The following ROR1 variants were observed in gnomAD, a reference collection of about 807,000 sequenced individuals.
ROR1 encodes inactive tyrosine-protein kinase transmembrane receptor ROR1.
Under a neutral mutation model 78.8 loss-of-function variants are expected in ROR1, and 19 were observed. The ratio of observed to expected loss-of-function variants is 0.24; its 90% CI spans 0.17 to 0.35. ROR1 has a LOEUF of 0.35. ROR1 is among the 10% of genes least tolerant of loss of function. ROR1 has a pLI of 1.00. For missense variants in ROR1, 917 were observed against 1,177.8 expected, an observed-to-expected ratio of 0.78 and a Z score of 3.24; for synonymous variants, 386 against 433.6, an observed-to-expected ratio of 0.89 and a Z score of 1.36.
intron 2 of ROR1, among the ~76,000 whole-genome samples, chr1:64,016,394 G>T (rs1489639324): frequency 6.6e-6 from 1 of 152,104 alleles, no homozygotes; most frequent in Non-Finnish European, 1.5e-5. Context: ...ATGTTGAAAT[G>T]ATATTTTCAT....
At chr1:63,963,599 A>G (rs1195938244) in intron 1 of ROR1, among the ~76,000 whole-genome samples, 2 of 151,436 alleles carry the variant, frequency 1.3e-5, no homozygotes, top group African/African-American at 4.9e-5. Flanking sequence ...AAAAAAAAAC[A>G]AAACAAAAAG....
At chr1:64,168,835 G>A (rs951140751) in intron 8 of ROR1, among the ~76,000 whole-genome samples, 3 of 152,346 alleles carry the variant, frequency 2.0e-5, no homozygotes, top group African/African-American at 7.2e-5. Context: ...CATGCAGAGA[G>A]AAGGGACCCA....
At chr1:63,866,102 G>A (rs1645213857) in intron 1 of ROR1, among the ~76,000 whole-genome samples, 1 of 152,078 alleles carries the variant, frequency 6.6e-6, no homozygotes, top group South Asian at 2.1e-4. Context: ...TTCAAGAACT[G>A]CCACATGTCA....
rs144755888 is a variant in ROR1, at chr1:63,898,735, A to C, written c.92-110570A>C. Among the ~76,000 whole-genome samples the C allele has an allele frequency of 6.1e-3, 922 of 152,204 alleles. 14 individuals are homozygous for C. The highest frequency in any genetic ancestry group is 0.021 in the African/African-American group (884 of 41,530). On this transcript the variant is annotated intron_variant, in intron 1 of 8. Transcript: ENST00000371079. The stretch of plus-strand genomic sequence containing the variant: ...GGGAAGAGAGAGAGAACGAGAACAC[A>C]GGAGGTTCCTGAGAGGTAAGTTGTG...
At chr1:64,061,949 A>G (rs12080788) in intron 4 of ROR1, among the ~76,000 whole-genome samples, 4,571 of 152,190 alleles carry the variant, frequency 0.03, 242 homozygotes, top group African/African-American at 0.1. Context: ...TTTATCTGTC[A>G]GGCGCTTCTA....
chr1:64,126,825 T>C (rs1365057365), intron 4 of ROR1, among the ~76,000 whole-genome samples: 1 of 152,140 alleles, frequency 6.6e-6, no homozygotes, highest in Non-Finnish European at 1.5e-5. Context: ...GTGAGAACAG[T>C]CCTTGTTGGA....
At chr1:64,156,705 CAAAAA>C (rs140451468) in intron 7 of ROR1, among the ~76,000 whole-genome samples, 1 of 92,588 alleles carries the variant, frequency 1.1e-5, no homozygotes, top group Non-Finnish European at 2.1e-5. Flanking sequence ...GACTCCGTCT[CAAAAA>C]AAAAAAAAAA....
At chr1:63,933,072 G>T (rs1293854624) in intron 1 of ROR1, among the ~76,000 whole-genome samples, 1 of 152,118 alleles carries the variant, frequency 6.6e-6, no homozygotes, top group Non-Finnish European at 1.5e-5. Context: ...GACTTGTGTT[G>T]AAAATTATAA....
Position 63,788,899 on chromosome 1 carries a change from G to A in ROR1, c.91+14391G>A, listed in dbSNP as rs189535967. 7.7e-3 allele frequency: 6,756 copies of A among 880,626 alleles called. 45 individuals are homozygous for A. The highest frequency in any genetic ancestry group is 0.01 in the Non-Finnish European group (5,539 of 548,154). 54.6% of individuals were successfully genotyped at this position (880,626 alleles called of 1,614,324 possible). A position where few individuals can be genotyped will look rare whatever the true frequency, so the allele number is the denominator to read the frequency against. On this transcript the variant is annotated intron_variant, in intron 1 of 8. Transcript: ENST00000371079. ...CTTGTGGATGTGTTCCATGAGAATC[G>A]CTTGTTTTTGAACACGTTCCCCTTA...
chr1:63,888,887 A>T (rs1645375301), intron 1 of ROR1, among the ~76,000 whole-genome samples: 3 of 152,218 alleles, frequency 2.0e-5, no homozygotes, highest in Admixed American at 2.0e-4. Flanking sequence ...TTGCTGTATA[A>T]CCAATAACCC....
intron 8 of ROR1, among the ~76,000 whole-genome samples, chr1:64,164,528 G>C (rs1650031989): frequency 1.3e-5 from 2 of 152,210 alleles, no homozygotes; most frequent in Admixed American, 6.5e-5. Flanking sequence ...GAGATAGCAT[G>C]TCTGGCACCT....
At chr1:64,044,860 A>G (rs1646771797) in intron 2 of ROR1, among the ~76,000 whole-genome samples, 1 of 152,210 alleles carries the variant, frequency 6.6e-6, no homozygotes, top group African/African-American at 2.4e-5. Context: ...CACGAGCTTG[A>G]CAACTTCTTC....
At chr1:64,145,043 C>T (rs535599056) in intron 7 of ROR1, among the ~76,000 whole-genome samples, 4 of 152,230 alleles carry the variant, frequency 2.6e-5, no homozygotes, top group African/African-American at 4.8e-5. Context: ...GATGTCCGAA[C>T]ATAGTAAATG....
intron 4 of ROR1, among the ~76,000 whole-genome samples, chr1:64,071,206 G>A (rs535293959): frequency 6.6e-6 from 1 of 152,168 alleles, no homozygotes; most frequent in Non-Finnish European, 1.5e-5. Context: ...CATTCCAAGA[G>A]CCATGGAAGC....
chr1:64,059,155 CT>C (rs1389060137), intron 4 of ROR1, among the ~76,000 whole-genome samples: 8 of 151,898 alleles, frequency 5.3e-5, no homozygotes, highest in African/African-American at 1.4e-4. Flanking sequence ...ATGATAGTCC[CT>C]TTTTTATTCC....
intron 1 of ROR1, among the ~76,000 whole-genome samples, chr1:63,784,555 G>T (rs1644672158): frequency 6.6e-6 from 1 of 152,220 alleles, no homozygotes; most frequent in Non-Finnish European, 1.5e-5. Context: ...AAAAGACAGA[G>T]AAGTTACTTA....
At chr1:63,876,165 C>A (rs1284070578) in intron 1 of ROR1, among the ~76,000 whole-genome samples, 2 of 152,012 alleles carry the variant, frequency 1.3e-5, no homozygotes, top group African/African-American at 2.4e-5. Context: ...GTTTCAAAAT[C>A]TTTGCCTTGT....
intron 1 of ROR1, among the ~76,000 whole-genome samples, chr1:63,863,084 G>T (rs1218306921): frequency 6.6e-6 from 1 of 152,146 alleles, no homozygotes; most frequent in Non-Finnish European, 1.5e-5. Context: ...CAAAAGCCCT[G>T]ATCTCCTGAC....
chr1:64,123,260 A>G (rs1455708721), intron 4 of ROR1, among the ~76,000 whole-genome samples: 2 of 152,224 alleles, frequency 1.3e-5, no homozygotes, highest in Non-Finnish European at 2.9e-5. Flanking sequence ...AGTATAATCA[A>G]AGACCAAAAC....
Sources: allele counts gnomAD v4.1 joint callset (sites outside exome capture counted in the v4.1 genomes callset), GRCh38; gene constraint gnomAD v4.1.1; transcripts MANE v1.5; gene names NCBI Gene and HGNC (gene_info 2026-07-23, HGNC 2026-07-21).